The following ZNF519 variants were observed in gnomAD, a reference collection of about 807,000 sequenced individuals.
The protein encoded by ZNF519 is zinc finger protein 519, also known as similar to Zinc finger protein 85 (Zinc finger protein HPF4) (HTF1).
In ZNF519, 7 loss-of-function variants were observed where a neutral mutation model predicts 7.4. That is an observed-to-expected ratio of 0.94 (90% CI 0.54 to 1.77). The LOEUF is 1.77. ZNF519 is among the 40% of genes most tolerant of loss of function. The probability of loss-of-function intolerance (pLI) is 0.00; values close to 1 mark genes in which losing one functional copy is unlikely to be tolerated. For missense variants in ZNF519, 586 were observed against 623.1 expected (o/e 0.94, Z 0.63); for synonymous variants, 179 against 203.3 (o/e 0.88, Z 1.02).
rs2046335727 is a variant in ZNF519 at position 14,132,399 on chromosome 18, T to C, written c.-122A>G. On this transcript the variant is annotated 5_prime_UTR_variant, in exon 1 of 3. Coordinates refer to ENST00000590202, the MANE Select transcript of ZNF519 (RefSeq NM_145287.4). ...TCCCGGAGCAGAGGACACAAGGCAA[T>C]GAAGCCCTAACCCCGCGCTCTGGCT... is the stretch of plus-strand genomic sequence containing the variant. 7.0e-6 allele frequency: 9 copies of C among 1,287,330 alleles called. No homozygotes were observed. The highest frequency in any genetic ancestry group is 1.3e-5 in the South Asian group (1 of 78,400). The allele number at this position is 1,287,330 out of a possible 1,614,324, so 79.7% of individuals were successfully genotyped here.
intron 2 of ZNF519, among the ~76,000 whole-genome samples, chr18:14,112,222 C>A (rs1261975246): frequency 1.3e-5 from 2 of 151,932 alleles, no homozygotes; most frequent in African/African-American, 2.4e-5. Context: ...AAAGAAAGAA[C>A]AAAAACCAAG....
chr18:14,109,015 G>A (rs1035598077), intron 2 of ZNF519, among the ~76,000 whole-genome samples: 1 of 151,950 alleles, frequency 6.6e-6, no homozygotes, highest in Non-Finnish European at 1.5e-5. Flanking sequence ...GCTGAGACAG[G>A]AGAATCACTT....
chr18:14,088,924 G>T (rs138891128), intron 2 of ZNF519, among the ~76,000 whole-genome samples: 1 of 151,998 alleles, frequency 6.6e-6, no homozygotes, highest in East Asian at 1.9e-4. Context: ...AGGAATATTA[G>T]ATACATTCTA....
intron 2 of ZNF519, among the ~76,000 whole-genome samples, chr18:14,119,145 A>G (rs2046259404): frequency 1.3e-5 from 2 of 152,214 alleles, no homozygotes; most frequent in South Asian, 4.1e-4. Context: ...TAACAGGACC[A>G]TCAAAGGCAG....
Position 14,080,610 on chromosome 18 carries a change from G to A in ZNF519, c.*178-2312C>T, listed in dbSNP as rs557268866. On this transcript the variant is annotated intron_variant and NMD_transcript_variant, in intron 3 of 4. Coordinates refer to the ZNF519 transcript ENST00000587419. ...GCTGGGATTACAGGCATAAGCCACC[G>A]TGCCCGGCTGGCAATTTCTTATAAA... Among the ~76,000 whole-genome samples, 35 of 152,212 alleles carry A rather than the reference G, an allele frequency of 2.3e-4. 1 individual carries two copies. Among genetic ancestry groups the A allele is most frequent in the African/African-American group, 6.7e-4 (28 of 41,524 alleles).
intron 1 of ZNF519, among the ~76,000 whole-genome samples, chr18:14,124,999 T>A (rs962473134): frequency 2.6e-5 from 4 of 152,282 alleles, no homozygotes; most frequent in Admixed American, 1.3e-4. Flanking sequence ...TATTTGGTAT[T>A]CTAGGCCTCA....
At chr18:14,079,612 T>C (rs62086308) in intron 3 of ZNF519, among the ~76,000 whole-genome samples, 39,158 of 152,108 alleles carry the variant, frequency 0.26, 5,484 homozygotes, top group South Asian at 0.37. Context: ...AACATAAATA[T>C]AGTCCACAGA....
intron 1 of ZNF519, among the ~76,000 whole-genome samples, chr18:14,126,803 A>G (rs2046301366): frequency 6.6e-6 from 1 of 152,178 alleles, no homozygotes; most frequent in Non-Finnish European, 1.5e-5. Flanking sequence ...CTCTTCCTCT[A>G]AAATGGGGGC....
At chr18:14,111,415 T>A (rs1411965811) in intron 2 of ZNF519, among the ~76,000 whole-genome samples, 3 of 143,132 alleles carry the variant, frequency 2.1e-5, no homozygotes, top group Admixed American at 7.2e-5. Context: ...CTGAGGCAGG[T>A]AGAATTGCTG....
At chr18:14,108,680 A>G (rs1422791589) in intron 2 of ZNF519, among the ~76,000 whole-genome samples, 2 of 152,204 alleles carry the variant, frequency 1.3e-5, no homozygotes, top group African/African-American at 4.8e-5. Flanking sequence ...CATAGATTAA[A>G]AAGATTTAAA....
chr18:14,132,140 G>T, intron 1 of ZNF519, 135 bp downstream of exon 1: 1 of 989,670 alleles, frequency 1.0e-6, no homozygotes, highest in Non-Finnish European at 1.6e-6. Context: ...CAGGACGCCC[G>T]GAGTCCCTGC....
At chr18:14,094,426 G>A (rs1339852118) in intron 2 of ZNF519, among the ~76,000 whole-genome samples, 1 of 151,990 alleles carries the variant, frequency 6.6e-6, no homozygotes, top group African/African-American at 2.4e-5. Context: ...TGCTACATAC[G>A]GCCTTTATTA....
At chr18:14,097,299 T>G (rs894389669), downstream of ZNF519, among the ~76,000 whole-genome samples, 9 of 152,200 alleles carry the variant, frequency 5.9e-5, 1 homozygote, top group Non-Finnish European at 1.2e-4. Context: ...ATTTTTCTTT[T>G]CAGGAGAAAC....
intron 4 of ZNF519, chr18:14,078,111 G>C (rs1043627134): frequency 1.3e-5 from 2 of 152,120 alleles, no homozygotes; most frequent in Non-Finnish European, 2.9e-5. Flanking sequence ...TTCACAATAG[G>C]GTTTGCTGCT....
intron 3 of ZNF519, among the ~76,000 whole-genome samples, chr18:14,084,511 G>A (rs536988331): frequency 6.6e-6 from 1 of 152,250 alleles, no homozygotes; most frequent in Admixed American, 6.5e-5. Flanking sequence ...CTAAGTGCCA[G>A]CCATGGGGAT....
At chr18:14,071,333 TTCAAACA>T (rs1480398803), downstream of ZNF519, 1 of 152,100 alleles carries the variant, frequency 6.6e-6, no homozygotes. Context: ...CAGAGGGTTG[TTCAAACA>T]AATGGATCTA....
intron 2 of ZNF519, among the ~76,000 whole-genome samples, chr18:14,109,243 C>G (rs577354949): frequency 6.6e-6 from 1 of 152,062 alleles, no homozygotes; most frequent in Admixed American, 6.5e-5. Flanking sequence ...GCTAAAGAGA[C>G]AGGCCCCAAT....
rs192133384 is a variant in ZNF519, at chr18:14,103,522, A to G, written c.*1395T>C. ...AAGTTATGACATATCGAAACATGAG[A>G]TGCAGCAAACTGTTCAGAGAAATTC... On this transcript the variant is annotated 3_prime_UTR_variant, in exon 3 of 3. Coordinates refer to ENST00000590202, the MANE Select transcript of ZNF519 (RefSeq NM_145287.4). 71 of 152,280 alleles carry G rather than the reference A, an allele frequency of 4.7e-4. No individual in the cohort carries two copies. The highest frequency in any genetic ancestry group is 1.6e-3 in the African/African-American group (66 of 41,568). The allele number at this position is 152,280 out of a possible 1,614,324, so 9.4% of individuals were successfully genotyped here.
rs2046153505 is a variant in ZNF519 at position 14,100,164 on chromosome 18, C to T, written c.*4753G>A. Reference sequence around the variant, plus strand: ...ACATTAAAACAATGTGATATCAATACATATCAGTCAGTATGGCTAAGAGGA... The same window carrying T: ...ACATTAAAACAATGTGATATCAATATATATCAGTCAGTATGGCTAAGAGGA... On this transcript the variant is annotated 3_prime_UTR_variant, in exon 3 of 3. Transcript: ENST00000590202. The T allele has an allele frequency of 6.6e-6, 1 of 152,216 alleles. No homozygotes were observed. The highest frequency in any genetic ancestry group is 1.9e-4 in the East Asian group (1 of 5,156). The allele number at this position is 152,216 out of a possible 1,614,324, so 9.4% of individuals were successfully genotyped here.
Sources: allele counts gnomAD v4.1 joint callset (sites outside exome capture counted in the v4.1 genomes callset), GRCh38; gene constraint gnomAD v4.1.1; transcripts MANE v1.5; gene names NCBI Gene and HGNC (gene_info 2026-07-23, HGNC 2026-07-21).